The following TPO variants were observed in gnomAD, a reference collection of about 807,000 sequenced individuals.
TPO encodes the protein thyroid microsomal antigen.
In TPO, 78 loss-of-function variants were observed where a neutral mutation model predicts 96.9. The observed-to-expected ratio is 0.81, with a 90% CI of 0.67 to 0.97. The LOEUF (loss-of-function observed/expected upper bound fraction) is 0.97. Ranked by LOEUF, TPO falls within the 50% of genes least tolerant of loss-of-function variation. TPO has a pLI of 0.00. For missense variants in TPO, 1,252 were observed against 1,274.8 expected (o/e 0.98, Z 0.27); for synonymous variants, 547 against 538.0 (o/e 1.02, Z -0.23).
intron 2 of TPO, 35 bp downstream of exon 2, chr2:1,414,537 A>G: frequency 6.3e-7 from 1 of 1,598,828 alleles, no homozygotes; most frequent in Non-Finnish European, 8.6e-7. Flanking sequence ...TTCTGGCCTT[A>G]TAAAGTTATT....
chr2:1,471,757 A>T (rs1669436570), intron 7 of TPO, among the ~76,000 whole-genome samples: 1 of 152,132 alleles, frequency 6.6e-6, no homozygotes, highest in Admixed American at 6.5e-5. Flanking sequence ...TGAAACTAGA[A>T]TAGTAAGAAG....
At chr2:1,431,055 G>A (rs750039018) in intron 3 of TPO, among the ~76,000 whole-genome samples, 5 of 152,286 alleles carry the variant, frequency 3.3e-5, no homozygotes, top group African/African-American at 1.2e-4. Context: ...TTGGGGGAAC[G>A]GGTAGAATAA....
chr2:1,542,665 C>A lies in TPO; in HGVS notation c.*191C>A. On this transcript the variant is annotated 3_prime_UTR_variant, in exon 17 of 17. Coordinates refer to ENST00000329066, the MANE Select transcript of TPO (RefSeq NM_001206744.2). ...TATAGCTGCATTTGTCTGGCCTTTT[C>A]TTGTAAACATTGCCTGATTTGTTCC... 1 of 1,505,816 alleles carries A rather than the reference C, an allele frequency of 6.6e-7. No homozygotes were observed. The highest frequency in any genetic ancestry group is 9.0e-7 in the Non-Finnish European group (1 of 1,112,156). 93.3% of individuals were successfully genotyped at this position (1,505,816 alleles called of 1,614,324 possible). A position where few individuals can be genotyped will look rare whatever the true frequency, so the allele number is the denominator to read the frequency against.
chr2:1,497,344 T>C (rs1672459222), intron 13 of TPO, among the ~76,000 whole-genome samples: 1 of 152,192 alleles, frequency 6.6e-6, no homozygotes, highest in Non-Finnish European at 1.5e-5. Flanking sequence ...ATGTGCTGGC[T>C]TGAGCGGGTG....
At chr2:1,420,722 G>A (rs941225058) in intron 2 of TPO, among the ~76,000 whole-genome samples, 2 of 152,124 alleles carry the variant, frequency 1.3e-5, no homozygotes, top group South Asian at 2.1e-4. Flanking sequence ...GGTCACTTGG[G>A]TGACAGCAGG....
At chr2:1,527,021 G>T (rs1345194890) in intron 15 of TPO, among the ~76,000 whole-genome samples, 1 of 71,202 alleles carries the variant, frequency 1.4e-5, no homozygotes, top group African/African-American at 6.4e-5. Flanking sequence ...CCCACTGTGT[G>T]CAACCTCCTC....
intron 14 of TPO, 126 bp downstream of exon 14, chr2:1,504,205 A>C: frequency 6.5e-7 from 1 of 1,545,824 alleles, no homozygotes; most frequent in Non-Finnish European, 8.8e-7. Flanking sequence ...TGAATAAGAC[A>C]CCAAGCCCAC....
intron 7 of TPO, among the ~76,000 whole-genome samples, chr2:1,471,986 A>G (rs1669467392): frequency 1.3e-5 from 2 of 150,486 alleles, no homozygotes; most frequent in Non-Finnish European, 3.0e-5. Flanking sequence ...TTCATAGCAC[A>G]TGCCCTTCCC....
chr2:1,468,132 G>C (rs2361744), intron 7 of TPO, among the ~76,000 whole-genome samples: 98,568 of 150,974 alleles, frequency 0.65, 32,881 homozygotes, highest in African/African-American at 0.79. Context: ...GAATTCTTAT[G>C]CATTCTGCAA....
chr2:1,385,244 C>T (rs958837353), intron 1 of TPO, among the ~76,000 whole-genome samples: 1 of 152,152 alleles, frequency 6.6e-6, no homozygotes, highest in African/African-American at 2.4e-5. Context: ...AGGGAGGATT[C>T]CCTCTTTTTG....
At chr2:1,525,500 C>T (rs1573550915) in intron 15 of TPO, among the ~76,000 whole-genome samples, 1 of 123,018 alleles carries the variant, frequency 8.1e-6, no homozygotes, top group Non-Finnish European at 1.7e-5. Flanking sequence ...CCCCAAAACC[C>T]CCACTGGGTA....
chr2:1,534,353 C>T (rs113712430), intron 15 of TPO, among the ~76,000 whole-genome samples: 4,478 of 121,926 alleles, frequency 0.037, 346 homozygotes, highest in South Asian at 0.11. Flanking sequence ...TTCCCTAAGT[C>T]GTCCAACTGT....
chr2:1,517,590 C>G (rs1674840499), intron 15 of TPO, among the ~76,000 whole-genome samples: 1 of 147,330 alleles, frequency 6.8e-6, no homozygotes, highest in South Asian at 2.3e-4. Context: ...CTGCCTCTCA[C>G]CTTGCTGCTG....
At chr2:1,469,347 G>A (rs1269125668) in intron 7 of TPO, among the ~76,000 whole-genome samples, 1 of 152,176 alleles carries the variant, frequency 6.6e-6, no homozygotes, top group Non-Finnish European at 1.5e-5. Context: ...CTGTCAGAGG[G>A]AAGGTCTAGG....
chr2:1,397,598 C>G (rs1573059338), intron 1 of TPO, among the ~76,000 whole-genome samples: 1 of 152,330 alleles, frequency 6.6e-6, no homozygotes, highest in East Asian at 1.9e-4. Flanking sequence ...AGGAAAAGCA[C>G]AGAGGCTCAT....
At chr2:1,460,222 C>T (rs779069052) in intron 7 of TPO, among the ~76,000 whole-genome samples, 4 of 152,118 alleles carry the variant, frequency 2.6e-5, no homozygotes, top group Non-Finnish European at 5.9e-5. Context: ...AGGTATGAGC[C>T]ACTGTGCCTG....
At chr2:1,412,326 T>C (rs937886772), upstream of TPO, among the ~76,000 whole-genome samples, 1 of 152,236 alleles carries the variant, frequency 6.6e-6, no homozygotes, top group Non-Finnish European at 1.5e-5. Flanking sequence ...TAACTCATCA[T>C]TGAGCCATGG....
chr2:1,405,937 C>A (rs1015647053), intron 1 of TPO, among the ~76,000 whole-genome samples: 1 of 152,214 alleles, frequency 6.6e-6, no homozygotes, highest in African/African-American at 2.4e-5. Flanking sequence ...TCTACAGTCA[C>A]CACAATACAA....
intron 15 of TPO, among the ~76,000 whole-genome samples, chr2:1,532,659 TG>T (rs1678585684): frequency 1.5e-4 from 1 of 6,788 alleles, no homozygotes; most frequent in Non-Finnish European, 2.4e-4. Context: ...CCCCCCCAAC[TG>T]TGTACAACTT....
Sources: allele counts gnomAD v4.1 joint callset (sites outside exome capture counted in the v4.1 genomes callset), GRCh38; gene constraint gnomAD v4.1.1; transcripts MANE v1.5; gene names NCBI Gene and HGNC (gene_info 2026-07-23, HGNC 2026-07-21).